The following GSN variants were observed in gnomAD, a reference collection of about 807,000 sequenced individuals.
GSN encodes actin-depolymerizing factor.
GSN carries 56 observed loss-of-function variants against 85.7 expected under a neutral mutation model. The observed-to-expected ratio is 0.65, with a 90% confidence interval of 0.53 to 0.82. The LOEUF is 0.82. Among genes scored for constraint, GSN ranks in the 40% least tolerant of loss-of-function variants. The pLI, the probability that GSN is intolerant of heterozygous loss-of-function variation, is 0.00. For missense variants in GSN, 857 were observed against 979.8 expected, an observed-to-expected ratio of 0.87 and a Z score of 1.67; for synonymous variants, 373 against 399.1, an observed-to-expected ratio of 0.93 and a Z score of 0.78.
chr9:121,259,543 C>G (rs2055036512), intron 6 of GSN, among the ~76,000 whole-genome samples: 1 of 152,126 alleles, frequency 6.6e-6, no homozygotes, highest in Non-Finnish European at 1.5e-5. Flanking sequence ...TGATACAAAG[C>G]ATGACCTGAC....
intron 6 of GSN, 194 bp downstream of exon 6, chr9:121,312,682 C>A: frequency 1.9e-6 from 1 of 512,920 alleles, no homozygotes; most frequent in Non-Finnish European, 3.3e-6. Context: ...AGCTGGAGTG[C>A]AGGGGCGCCA....
chr9:121,286,203 T>A, intron 2 of GSN: 1 of 1,492,884 alleles, frequency 6.7e-7, no homozygotes. Flanking sequence ...GCACGGGATC[T>A]GGGGTGGTCC....
chr9:121,319,075 T>G (rs1303211696), intron 10 of GSN, among the ~76,000 whole-genome samples, 195 bp downstream of exon 10: 1 of 152,208 alleles, frequency 6.6e-6, no homozygotes, highest in African/African-American at 2.4e-5. Context: ...TGGCCCCACC[T>G]TGCCCCGAGG....
chr9:121,224,496 G>A (rs1344128099), intron 4 of GSN, among the ~76,000 whole-genome samples: 1 of 152,096 alleles, frequency 6.6e-6, no homozygotes, highest in African/African-American at 2.4e-5. Context: ...CCTAGTGGTA[G>A]AGCTATAAAC....
At chr9:121,322,547 T>C (rs2062608128) in intron 11 of GSN, among the ~76,000 whole-genome samples, 1 of 152,242 alleles carries the variant, frequency 6.6e-6, no homozygotes, top group African/African-American at 2.4e-5. Context: ...GACATGCCTC[T>C]AGAGTAAGTT....
rs139420096 is a variant in GSN at position 121,332,523 on chromosome 9, G to C, written c.2116G>C (p.Val706Leu). Residue 706 changes from valine (V) to leucine (L), a missense_variant, in exon 18 of 18, where the codon GTG (valine) becomes CTG (leucine). By Grantham distance (32) the Val-to-Leu change is conservative. Coordinates refer to ENST00000432226, the MANE Select transcript of GSN (RefSeq NM_198252.3). The surrounding 1 kb of genome is among the most constrained non-coding windows in gnomAD (Gnocchi z 4.8). ...VKQGFEPPSF[V>L]GWFLGWDDDY... ...GCAAGGCTTTGAGCCTCCCTCCTTT[G>C]TGGGCTGGTTCCTTGGCTGGGATGA... The C allele has an allele frequency of 3.7e-6, 6 of 1,613,996 alleles. No individual in the cohort carries two copies. The African/African-American group carries it at 8.0e-5, about 22-fold the overall frequency.
intron 5 of GSN, among the ~76,000 whole-genome samples, chr9:121,236,825 G>A (rs919841104): frequency 6.6e-6 from 1 of 152,202 alleles, no homozygotes; most frequent in African/African-American, 2.4e-5. Flanking sequence ...AGGTAGGTCC[G>A]AAAGCAGAAC....
intron 17 of GSN, 24 bp downstream of exon 17, chr9:121,331,472 C>CGGGGGGGGGGGGGGG: frequency 7.2e-7 from 1 of 1,387,718 alleles, no homozygotes; most frequent in Admixed American, 2.1e-5. Flanking sequence ...TGCCTGGGGG[C>CGGGGGGGGGGGGGGG]GGGGGGAGGG....
chr9:121,209,688 G>T (rs1023130457), intron 2 of GSN, among the ~76,000 whole-genome samples: 2 of 152,230 alleles, frequency 1.3e-5, no homozygotes, highest in Non-Finnish European at 2.9e-5. Flanking sequence ...AGCAGAGCAT[G>T]AGAAGCTCTT....
intron 7 of GSN, among the ~76,000 whole-genome samples, chr9:121,315,685 C>T (rs1022167412): frequency 8.5e-5 from 13 of 152,102 alleles, no homozygotes; most frequent in Non-Finnish European, 1.3e-4. Flanking sequence ...CACTTGAACC[C>T]GGGAGGCGGA....
chr9:121,312,527 C>T (rs754551178), intron 6 of GSN, 39 bp downstream of exon 6: 25 of 1,542,302 alleles, frequency 1.6e-5, no homozygotes, highest in African/African-American at 6.8e-5. Flanking sequence ...CATGGGGACA[C>T]GCTGCTCATG....
upstream of GSN, among the ~76,000 whole-genome samples, chr9:121,266,030 A>G (rs1349002541): frequency 6.6e-6 from 1 of 152,166 alleles, no homozygotes; most frequent in Non-Finnish European, 1.5e-5. Context: ...CATCATCATT[A>G]TCTTCATTAT....
At chr9:121,219,593 T>G (rs1233199351) in intron 4 of GSN, among the ~76,000 whole-genome samples, 1 of 152,166 alleles carries the variant, frequency 6.6e-6, no homozygotes, top group African/African-American at 2.4e-5. Context: ...TAAGACCAAC[T>G]AGACCCAACA....
intron 2 of GSN, among the ~76,000 whole-genome samples, chr9:121,292,466 T>C (rs2058787095): frequency 1.3e-5 from 2 of 152,196 alleles, no homozygotes; most frequent in Non-Finnish European, 2.9e-5. Context: ...GTGAGCTGTA[T>C]GTGTGTATAG....
intron 5 of GSN, among the ~76,000 whole-genome samples, chr9:121,236,173 T>C (rs907932344): frequency 1.9e-4 from 29 of 152,172 alleles, no homozygotes; most frequent in Admixed American, 5.2e-4. Flanking sequence ...AATTCTCTCT[T>C]TTTTTTCTTT....
At position 121,286,143 on chromosome 9, in the gene GSN, G is replaced by A. The variant is rs1588744214; in HGVS notation, c.-10+4581G>A. On this transcript the variant is annotated intron_variant, in intron 2 of 17. Coordinates refer to ENST00000432226, the MANE Select transcript of GSN (RefSeq NM_198252.3). ...CCCACATAGCTCCCCCCAGCCTCGC[G>A]ATGGCCGAGGAAGAAGCCCTCAGGG... 2.3e-5 allele frequency: 36 copies of A among 1,535,400 alleles called. No individual in the cohort carries two copies. The East Asian group carries it at 7.3e-4, about 31-fold the overall frequency.
intron 6 of GSN, among the ~76,000 whole-genome samples, chr9:121,250,047 A>G (rs2054785683): frequency 1.3e-5 from 2 of 152,152 alleles, no homozygotes; most frequent in Non-Finnish European, 2.9e-5. Flanking sequence ...TGAAGCCGGG[A>G]TGTAAGTCTA....
chr9:121,291,859 T>G (rs1442345127), intron 2 of GSN, among the ~76,000 whole-genome samples: 1 of 152,078 alleles, frequency 6.6e-6, no homozygotes, highest in African/African-American at 2.4e-5. Context: ...CAGTTGTAAG[T>G]GCTAGGACTG....
At position 121,249,940 on chromosome 9, in the gene GSN, G is replaced by A. The variant is rs191753580; in HGVS notation, c.-341+1617G>A. Among the ~76,000 whole-genome samples, 780 of 152,334 alleles carry A rather than the reference G, an allele frequency of 5.1e-3. 9 individuals are homozygous for A. The highest frequency in any genetic ancestry group is 8.3e-3 in the Non-Finnish European group (566 of 68,034). On this transcript the variant is annotated intron_variant, in intron 6 of 24. Transcript: ENST00000373823. The stretch of plus-strand genomic sequence containing the variant: ...AGTAAAAAAGCTGGTTTTTTAGTGA[G>A]TGAGAATAATGACGTCTATGCTCAG...
Sources: allele counts gnomAD v4.1 joint callset (sites outside exome capture counted in the v4.1 genomes callset), GRCh38; gene constraint gnomAD v4.1.1; non-coding constraint Gnocchi (gnomAD v3.1); transcripts MANE v1.5; gene names NCBI Gene and HGNC (gene_info 2026-07-23, HGNC 2026-07-21).